NUP188: variants seen among roughly 807,000 people sequenced by gnomAD.
NUP188 encodes the protein nucleoporin NUP188.
In NUP188, 97 loss-of-function variants were observed where a neutral mutation model predicts 223.0. The observed-to-expected ratio is 0.43, with a 90% confidence interval of 0.37 to 0.51. The LOEUF (loss-of-function observed/expected upper bound fraction) is 0.51, where lower values mean the gene tolerates loss of function less well. Among genes scored for constraint, NUP188 ranks in the 20% least tolerant of loss-of-function variants. The probability of loss-of-function intolerance (pLI) is 0.00; values close to 1 mark genes in which losing one functional copy is unlikely to be tolerated. For missense variants in NUP188, 1,947 were observed against 2,175.6 expected, an observed-to-expected ratio of 0.89 and a Z score of 2.09; for synonymous variants, 869 against 828.0, an observed-to-expected ratio of 1.05 and a Z score of -0.85.
chr9:129,006,505 ACGCTGCTGTCCAGCCTCTCG>A lies in NUP188; in HGVS notation c.5082_5101del (p.Ser1696ProfsTer29). 1 of 1,613,004 alleles carries A rather than the reference ACGCTGCTGTCCAGCCTCTCG, an allele frequency of 6.2e-7. No homozygotes were observed. The highest frequency in any genetic ancestry group is 8.5e-7 in the Non-Finnish European group (1 of 1,179,660). ...CAAGCCACTTTTTTTCTTGTAGAGCACGCTGCTGTCCAGCCTCTCGCGCTACTTCCGCCGGGGAGCCCCCA... is the reference window on the plus strand; with the variant it reads ...CAAGCCACTTTTTTTCTTGTAGAGCACGCTACTTCCGCCGGGGAGCCCCCA... On this transcript the variant is annotated frameshift_variant, in exon 44 of 44. Transcript: ENST00000372577. LOFTEE classifies it high-confidence loss of function.
intron 25 of NUP188, among the ~76,000 whole-genome samples, chr9:128,991,907 C>CT (rs1204961303): frequency 0.017 from 1,996 of 117,356 alleles, 28 homozygotes; most frequent in East Asian, 0.022. Context: ...GTTTTTCTTT[C>CT]TTTTTTTTTT....
chr9:128,960,271 T>TA (rs1489334819), intron 8 of NUP188, among the ~76,000 whole-genome samples: 1 of 151,540 alleles, frequency 6.6e-6, no homozygotes, highest in Non-Finnish European at 1.5e-5. Flanking sequence ...TTTTTTTTAG[T>TA]AGAGACAGGG....
At chr9:128,975,206 A>T in intron 12 of NUP188, among the ~76,000 whole-genome samples, 1 of 146,566 alleles carries the variant, frequency 6.8e-6, no homozygotes, top group African/African-American at 2.6e-5. Flanking sequence ...AATTTAATTA[A>T]TTAATTTCTT....
chr9:128,981,759 G>T (rs187008351), intron 15 of NUP188, among the ~76,000 whole-genome samples: 1 of 152,134 alleles, frequency 6.6e-6, no homozygotes, highest in Non-Finnish European at 1.5e-5. Flanking sequence ...TTGCACTCAA[G>T]TGATTTTCAG....
chr9:128,967,123 T>G (rs1310020475), intron 8 of NUP188, among the ~76,000 whole-genome samples: 3 of 152,144 alleles, frequency 2.0e-5, no homozygotes, highest in Non-Finnish European at 4.4e-5. Context: ...CTCTCCTGCC[T>G]TAGGCTCCAG....
chr9:129,001,807 C>A, intron 35 of NUP188, 77 bp from the exon 36 acceptor site: 1 of 1,594,922 alleles, frequency 6.3e-7, no homozygotes, highest in Non-Finnish European at 8.6e-7. Flanking sequence ...AAGCTGTGAT[C>A]TAGCCTGAGA....
At chr9:128,958,591 A>G (rs1169060376) in intron 6 of NUP188, among the ~76,000 whole-genome samples, 1 of 152,218 alleles carries the variant, frequency 6.6e-6, no homozygotes, top group Non-Finnish European at 1.5e-5. Flanking sequence ...ATATTGTTAA[A>G]CAATTAATTC....
intron 2 of NUP188, 133 bp from the exon 3 acceptor site, chr9:128,952,640 T>A (rs1421393166): frequency 4.9e-6 from 3 of 606,708 alleles, no homozygotes; most frequent in Non-Finnish European, 8.7e-6. Context: ...CGAGAATCAC[T>A]TGAACCTGGG....
At chr9:129,001,799 G>A in intron 35 of NUP188, 70 bp downstream of exon 35, 1 of 1,597,016 alleles carries the variant, frequency 6.3e-7, no homozygotes, top group Non-Finnish European at 8.6e-7. Context: ...AATCCCAGAA[G>A]CTGTGATCTA....
intron 33 of NUP188, 67 bp from the exon 34 acceptor site, chr9:128,999,557 A>C: frequency 6.6e-7 from 1 of 1,521,602 alleles, no homozygotes; most frequent in Non-Finnish European, 9.1e-7. Flanking sequence ...CCTAGGAAGG[A>C]AACCTTGGTG....
intron 12 of NUP188, among the ~76,000 whole-genome samples, chr9:128,973,890 A>T (rs1183682278): frequency 6.6e-6 from 1 of 152,040 alleles, no homozygotes; most frequent in Non-Finnish European, 1.5e-5. Context: ...TATTTTTAAA[A>T]TTTCTGTTTA....
At chr9:128,967,972 C>T (rs549382994) in intron 8 of NUP188, among the ~76,000 whole-genome samples, 1 of 151,692 alleles carries the variant, frequency 6.6e-6, no homozygotes, top group Non-Finnish European at 1.5e-5. Context: ...AGAAAAGATA[C>T]ATTGGTTGGC....
chr9:128,969,898 T>A (rs1241257276), intron 10 of NUP188, among the ~76,000 whole-genome samples: 2 of 152,176 alleles, frequency 1.3e-5, no homozygotes, highest in Non-Finnish European at 2.9e-5. Context: ...CCTAAAGTGC[T>A]GGGACTACAG....
At chr9:128,951,038 A>G (rs1379354990) in intron 2 of NUP188, among the ~76,000 whole-genome samples, 1 of 151,334 alleles carries the variant, frequency 6.6e-6, no homozygotes, top group Admixed American at 6.6e-5. Context: ...TTGGCCAGGC[A>G]TGGTGGCTCA....
At position 129,006,851 on chromosome 9, in the gene NUP188, GAA is replaced by G. The variant is rs1842822044; in HGVS notation, c.*174_*175del. 3 of 610,796 alleles carry G rather than the reference GAA, an allele frequency of 4.9e-6. No individual in the cohort carries two copies. Among genetic ancestry groups the G allele is most frequent in the East Asian group, 6.1e-5 (2 of 32,874 alleles). 37.8% of individuals were successfully genotyped at this position (610,796 alleles called of 1,614,324 possible). A position where few individuals can be genotyped will look rare whatever the true frequency, so the allele number is the denominator to read the frequency against. ...CACTGACGTTATTTTTATACTAGAT[GAA>G]GAGGTCAACAGCAGGCATGGGGAGC... is the stretch of plus-strand genomic sequence containing the variant. On this transcript the variant is annotated 3_prime_UTR_variant, in exon 44 of 44. Transcript: ENST00000372577.
chr9:128,980,757 T>A, intron 14 of NUP188, 32 bp downstream of exon 14: 3 of 1,608,218 alleles, frequency 1.9e-6, no homozygotes, highest in Non-Finnish European at 8.5e-7. Flanking sequence ...GTAAAGAGAA[T>A]GGGAGATTCT....
intron 8 of NUP188, among the ~76,000 whole-genome samples, chr9:128,963,557 C>T (rs959723502): frequency 4.0e-5 from 6 of 151,898 alleles, no homozygotes; most frequent in African/African-American, 1.5e-4. Context: ...AGTGGCTATA[C>T]CGTTTTGCAT....
At chr9:128,967,806 T>A (rs1435434414) in intron 8 of NUP188, among the ~76,000 whole-genome samples, 1 of 148,314 alleles carries the variant, frequency 6.7e-6, no homozygotes, top group Admixed American at 6.7e-5. Flanking sequence ...AAAAAAAAAA[T>A]TAAAAGAATT....
At chr9:128,989,410 A>G (rs1842383153) in intron 24 of NUP188, among the ~76,000 whole-genome samples, 2 of 152,072 alleles carry the variant, frequency 1.3e-5, no homozygotes, top group African/African-American at 4.8e-5. Flanking sequence ...TCAAAAAGAA[A>G]AAAAGATAGG....
Sources: gnomAD v4.1 joint callset for allele counts (sites outside exome capture counted in the v4.1 genomes callset) on GRCh38, gnomAD v4.1.1 for gene constraint, MANE v1.5 for transcripts, NCBI Gene and HGNC (gene_info 2026-07-23, HGNC 2026-07-21) for gene names.